Variants in COL19A1 observed in about 807,000 individuals in gnomAD.
COL19A1 encodes the protein collagen type XIX alpha 1 chain.
In COL19A1, 159 loss-of-function variants were observed where a neutral mutation model predicts 190.2. The ratio of observed to expected loss-of-function variants is 0.84; its 90% confidence interval spans 0.73 to 0.95. The LOEUF is 0.95. Ranked by LOEUF, COL19A1 falls within the 40% of genes least tolerant of loss-of-function variation. The pLI, the probability that COL19A1 is intolerant of heterozygous loss-of-function variation, is 0.00. For missense variants in COL19A1, 1,418 were observed against 1,431.9 expected, an observed-to-expected ratio of 0.99 and a Z score of 0.16; for synonymous variants, 509 against 458.9, an observed-to-expected ratio of 1.11 and a Z score of -1.39.
At chr6:70,068,103 C>A (rs1244830091) in intron 14 of COL19A1, among the ~76,000 whole-genome samples, 1 of 151,808 alleles carries the variant, frequency 6.6e-6, no homozygotes, top group Non-Finnish European at 1.5e-5. Context: ...TTTCTGCTTG[C>A]AAATATTGTT....
chr6:70,118,288 A>T (rs1192950542), intron 16 of COL19A1, among the ~76,000 whole-genome samples: 5 of 152,192 alleles, frequency 3.3e-5, no homozygotes, highest in African/African-American at 1.2e-4. Flanking sequence ...GTTGTGTTCC[A>T]ACTGTAAACA....
intron 17 of COL19A1, 128 bp from the exon 18 acceptor site, chr6:70,130,054 A>G (rs1019668721): frequency 6.4e-5 from 53 of 833,874 alleles, no homozygotes; most frequent in Admixed American, 3.2e-4. Context: ...AGATGTCTGC[A>G]CAAATGACCT....
chr6:69,981,904 G>C (rs1025978182), intron 11 of COL19A1, among the ~76,000 whole-genome samples: 1 of 152,030 alleles, frequency 6.6e-6, no homozygotes, highest in Non-Finnish European at 1.5e-5. Flanking sequence ...TATATTTTAG[G>C]TAATTTTTTA....
intron 9 of COL19A1, among the ~76,000 whole-genome samples, chr6:69,951,597 T>G (rs916772355): frequency 2.0e-5 from 3 of 151,858 alleles, no homozygotes; most frequent in African/African-American, 7.3e-5. Flanking sequence ...AAACTAGATG[T>G]CAGAAAACCA....
At chr6:70,045,844 C>G (rs184846087) in intron 14 of COL19A1, among the ~76,000 whole-genome samples, 1 of 152,312 alleles carries the variant, frequency 6.6e-6, no homozygotes, top group Non-Finnish European at 1.5e-5. Context: ...ATGACCCAGA[C>G]TTGAGCCTGT....
chr6:70,194,124 G>A (rs1265416581), intron 48 of COL19A1, among the ~76,000 whole-genome samples: 1 of 152,162 alleles, frequency 6.6e-6, no homozygotes, highest in Non-Finnish European at 1.5e-5. Context: ...CTGCACATCT[G>A]CAGCCTCGAG....
At chr6:69,994,423 C>A (rs1168912991) in intron 11 of COL19A1, among the ~76,000 whole-genome samples, 15 of 152,116 alleles carry the variant, frequency 9.9e-5, no homozygotes, top group Admixed American at 7.2e-4. Flanking sequence ...AGTAGTGAGT[C>A]ATTGGACCTA....
At chr6:69,965,953 C>G (rs79038868) in intron 11 of COL19A1, among the ~76,000 whole-genome samples, 3,488 of 152,198 alleles carry the variant, frequency 0.023, 132 homozygotes, top group African/African-American at 0.078. Flanking sequence ...TGGGGATTTT[C>G]CTTAGATTCC....
chr6:70,105,630 T>C (rs1783906931), intron 16 of COL19A1, among the ~76,000 whole-genome samples: 1 of 152,190 alleles, frequency 6.6e-6, no homozygotes, highest in South Asian at 2.1e-4. Flanking sequence ...TTTCCAACAT[T>C]GAACCCTTTA....
intron 16 of COL19A1, among the ~76,000 whole-genome samples, chr6:70,109,520 C>G (rs1031210953): frequency 6.7e-6 from 1 of 149,304 alleles, no homozygotes; most frequent in Admixed American, 6.7e-5. Flanking sequence ...ATGAAATAAC[C>G]AGTTACATCT....
rs151182780 is a variant in COL19A1 at position 70,102,726 on chromosome 6, G to GA, written c.1278+514dup. On this transcript the variant is annotated intron_variant, in intron 16 of 50. Coordinates refer to ENST00000620364, the MANE Select transcript of COL19A1 (RefSeq NM_001858.6). ...CTGGATCCTTTACCCCAAGCTTCTAGAAAAAAAAAATATTCAATTTCTTGT... is the reference window on the plus strand; with the variant it reads ...CTGGATCCTTTACCCCAAGCTTCTAGAAAAAAAAAAATATTCAATTTCTTGT... 2.6e-3 allele frequency among the ~76,000 whole-genome samples: 391 copies of GA among 149,496 alleles called. 12 individuals are homozygous for GA. In the East Asian group the frequency reaches 0.044, roughly 17 times the overall value.
At chr6:70,154,012 C>G (rs146850323) in intron 31 of COL19A1, among the ~76,000 whole-genome samples, 2,439 of 151,926 alleles carry the variant, frequency 0.016, 64 homozygotes, top group African/African-American at 0.052. Flanking sequence ...GAACGTGCAG[C>G]TTTGTTACAT....
intron 14 of COL19A1, among the ~76,000 whole-genome samples, chr6:70,058,661 A>G (rs1462639536): frequency 1.3e-5 from 2 of 150,228 alleles, no homozygotes; most frequent in Non-Finnish European, 2.9e-5. Context: ...TTTTCTTATG[A>G]TAATTGGATA....
intron 9 of COL19A1, among the ~76,000 whole-genome samples, chr6:69,959,657 C>T (rs772459866): frequency 4.1e-4 from 63 of 152,116 alleles, no homozygotes; most frequent in Non-Finnish European, 3.5e-4. Flanking sequence ...ATATTATTCC[C>T]AGAAGTTTCA....
intron 14 of COL19A1, among the ~76,000 whole-genome samples, chr6:70,042,982 T>G (rs1348065833): frequency 6.6e-6 from 1 of 152,064 alleles, no homozygotes; most frequent in Non-Finnish European, 1.5e-5. Context: ...AGTTACTTCC[T>G]CCAATTACAT....
intron 11 of COL19A1, among the ~76,000 whole-genome samples, chr6:69,986,652 CAT>C (rs1239752193): frequency 6.6e-6 from 1 of 152,144 alleles, no homozygotes; most frequent in East Asian, 1.9e-4. Context: ...AACTTCTGGG[CAT>C]ATATACTTTG....
chr6:70,063,353 A>T (rs1780965803), intron 14 of COL19A1, among the ~76,000 whole-genome samples: 2 of 152,224 alleles, frequency 1.3e-5, no homozygotes, highest in South Asian at 4.1e-4. Context: ...AACTACATGG[A>T]AACTGAACAA....
intron 14 of COL19A1, among the ~76,000 whole-genome samples, chr6:70,060,362 C>T (rs372485035): frequency 6.6e-6 from 1 of 152,104 alleles, no homozygotes; most frequent in Non-Finnish European, 1.5e-5. Flanking sequence ...AAAAATGAGC[C>T]TGTATCCTCT....
intron 11 of COL19A1, among the ~76,000 whole-genome samples, chr6:69,979,329 T>C (rs751527121): frequency 6.6e-6 from 1 of 151,854 alleles, no homozygotes; most frequent in African/African-American, 2.4e-5. Context: ...AAAAATCAAG[T>C]AGGATAATAC....
Sources: allele counts gnomAD v4.1 joint callset (sites outside exome capture counted in the v4.1 genomes callset), GRCh38; gene constraint gnomAD v4.1.1; transcripts MANE v1.5; gene names NCBI Gene and HGNC (gene_info 2026-07-23, HGNC 2026-07-21).